Variants in UPP2 observed in about 807,000 individuals in gnomAD.
UPP2 encodes UPase 2.
Under a neutral mutation model 26.7 loss-of-function variants are expected in UPP2, and 23 were observed. The observed-to-expected ratio is 0.86, with a 90% confidence interval of 0.62 to 1.22. UPP2 has a LOEUF of 1.22. UPP2 is among the 50% of genes most tolerant of loss of function. The pLI is 0.00. For synonymous variants in UPP2, 127 were observed against 141.3 expected (o/e 0.90, Z 0.72); for missense variants, 387 against 396.7 (o/e 0.98, Z 0.21).
chr2:158,121,695 T>C (rs1683571874), intron 5 of UPP2, 77 bp downstream of exon 5: 3 of 1,274,074 alleles, frequency 2.4e-6, no homozygotes, highest in Admixed American at 2.1e-5. Flanking sequence ...ATAATTTATA[T>C]TAACAACTCT....
chr2:158,103,166 G>T (rs980965220), intron 1 of UPP2, among the ~76,000 whole-genome samples: 31 of 152,150 alleles, frequency 2.0e-4, no homozygotes, highest in African/African-American at 7.2e-4. Flanking sequence ...TTTTTTCTTT[G>T]GTACTGATAA....
At chr2:158,092,454 G>A (rs1682926034) in intron 3 of UPP2, among the ~76,000 whole-genome samples, 1 of 152,182 alleles carries the variant, frequency 6.6e-6, no homozygotes, top group Non-Finnish European at 1.5e-5. Flanking sequence ...CATGAGTGCT[G>A]AGGGAAAATC....
chr2:158,000,619 C>G (rs1295032649), intron 2 of UPP2, among the ~76,000 whole-genome samples: 3 of 152,208 alleles, frequency 2.0e-5, no homozygotes, highest in African/African-American at 7.2e-5. Context: ...TGGCTGCTAT[C>G]ATCATCCTTC....
At chr2:158,007,260 T>G (rs1242855688) in intron 2 of UPP2, among the ~76,000 whole-genome samples, 2 of 152,146 alleles carry the variant, frequency 1.3e-5, no homozygotes, top group Non-Finnish European at 2.9e-5. Context: ...AAACACCAAG[T>G]CGGAGAGACA....
intron 2 of UPP2, among the ~76,000 whole-genome samples, chr2:158,012,313 G>T: frequency 1.4e-5 from 2 of 138,390 alleles, no homozygotes; most frequent in African/African-American, 5.4e-5. Context: ...AGTTGCCCAG[G>T]CTGGAGTACA....
chr2:158,030,664 C>T (rs1683908462), intron 3 of UPP2, among the ~76,000 whole-genome samples: 1 of 152,256 alleles, frequency 6.6e-6, no homozygotes, highest in African/African-American at 2.4e-5. Context: ...TTTCAAAATA[C>T]CACCACATTT....
intron 3 of UPP2, among the ~76,000 whole-genome samples, chr2:158,045,222 G>A (rs1175541627): frequency 6.6e-6 from 1 of 152,188 alleles, no homozygotes; most frequent in Admixed American, 6.5e-5. Context: ...TCAGACCATA[G>A]AATTCCTCCT....
chr2:158,064,199 T>A (rs1219551617), intron 3 of UPP2, among the ~76,000 whole-genome samples: 1 of 152,252 alleles, frequency 6.6e-6, no homozygotes, highest in African/African-American at 2.4e-5. Flanking sequence ...TGAACTAGTT[T>A]ACAGTCCCAC....
intron 2 of UPP2, among the ~76,000 whole-genome samples, chr2:158,012,921 CCTA>C (rs1330147212): frequency 3.9e-5 from 6 of 151,964 alleles, no homozygotes; most frequent in African/African-American, 1.4e-4. Context: ...GATCTCATAC[CCTA>C]CTATATGGAG....
At chr2:158,097,302 A>G (rs968274481), upstream of UPP2, among the ~76,000 whole-genome samples, 2 of 152,070 alleles carry the variant, frequency 1.3e-5, no homozygotes, top group Non-Finnish European at 2.9e-5. Context: ...GCCTATAAAT[A>G]AATGTTCACG....
chr2:158,058,393 TCTCTCTCTCTCTCTCTCC>T (rs1682292249), intron 3 of UPP2, among the ~76,000 whole-genome samples: 4 of 13,206 alleles, frequency 3.0e-4, no homozygotes, highest in African/African-American at 2.0e-3. Context: ...TCTCTCTCTC[TCTCTCTCTCTCTCTCTCC>T]CCCCAACCTG....
intron 6 of UPP2, among the ~76,000 whole-genome samples, chr2:158,133,516 T>C (rs1683867544): frequency 6.6e-6 from 1 of 152,186 alleles, no homozygotes; most frequent in Admixed American, 6.5e-5. Flanking sequence ...AGATTTTAAT[T>C]GTTTTCACCA....
chr2:158,089,682 T>C (rs1682875837), intron 3 of UPP2, among the ~76,000 whole-genome samples: 2 of 152,258 alleles, frequency 1.3e-5, no homozygotes, highest in Non-Finnish European at 2.9e-5. Context: ...CTCTTCTCGC[T>C]GCTGCTTCTA....
chr2:158,093,031 G>A (rs1022461694), intron 3 of UPP2, among the ~76,000 whole-genome samples: 2 of 151,732 alleles, frequency 1.3e-5, no homozygotes, highest in African/African-American at 2.4e-5. Flanking sequence ...AGTGATTCTC[G>A]TGCCTCAGCC....
At chr2:158,067,743 T>C (rs1682461278) in intron 3 of UPP2, among the ~76,000 whole-genome samples, 1 of 152,144 alleles carries the variant, frequency 6.6e-6, no homozygotes, top group Admixed American at 6.5e-5. Flanking sequence ...TTATCAATGA[T>C]TGGAGGTACA....
chr2:158,019,689 A>C (rs1683718536), intron 3 of UPP2, among the ~76,000 whole-genome samples: 1 of 148,316 alleles, frequency 6.7e-6, no homozygotes, highest in Admixed American at 6.7e-5. Flanking sequence ...CACACACACA[A>C]GAAAGACAGA....
intron 3 of UPP2, among the ~76,000 whole-genome samples, chr2:158,088,193 T>G (rs1389019339): frequency 1.3e-5 from 2 of 152,208 alleles, no homozygotes; most frequent in African/African-American, 4.8e-5. Context: ...AATTCTTTCT[T>G]CCTCTTCTTT....
intron 3 of UPP2, among the ~76,000 whole-genome samples, chr2:158,045,853 G>A (rs1684145849): frequency 6.6e-6 from 1 of 152,280 alleles, no homozygotes; most frequent in African/African-American, 2.4e-5. Flanking sequence ...TAGATCGCAA[G>A]TGGTACCAGC....
intron 6 of UPP2, among the ~76,000 whole-genome samples, chr2:158,131,356 A>T (rs1035202949): frequency 3.3e-5 from 5 of 152,102 alleles, no homozygotes; most frequent in African/African-American, 1.2e-4. Context: ...GTTCATTCTG[A>T]ATCAGAGAGG....
Sources: allele counts gnomAD v4.1 joint callset (sites outside exome capture counted in the v4.1 genomes callset), GRCh38; gene constraint gnomAD v4.1.1; transcripts MANE v1.5; gene names NCBI Gene and HGNC (gene_info 2026-07-23, HGNC 2026-07-21).